VAV3: variants seen among roughly 807,000 people sequenced by gnomAD.
VAV3 encodes vav guanine nucleotide exchange factor 3, also known as guanine nucleotide exchange factor VAV3.
Under a neutral mutation model 131.2 loss-of-function variants are expected in VAV3, and 94 were observed. That is an observed-to-expected ratio of 0.72 (90% CI 0.61 to 0.85). The LOEUF (loss-of-function observed/expected upper bound fraction) is 0.85. Ranked by LOEUF, VAV3 falls within the 40% of genes least tolerant of loss-of-function variation. The pLI, the probability that VAV3 is intolerant of heterozygous loss-of-function variation, is 0.00. For synonymous variants in VAV3, 349 were observed against 342.0 expected, an observed-to-expected ratio of 1.02 and a Z score of -0.22; for missense variants, 939 against 1,002.7, an observed-to-expected ratio of 0.94 and a Z score of 0.86.
chr1:107,757,062 C>T (rs1013376758), intron 11 of VAV3, among the ~76,000 whole-genome samples, 199 bp downstream of exon 11: 6 of 150,184 alleles, frequency 4.0e-5, no homozygotes, highest in African/African-American at 1.5e-4. Context: ...CCAGTTTTCT[C>T]CACTAAAAAC....
At chr1:107,876,624 T>G (rs887265839) in intron 1 of VAV3, among the ~76,000 whole-genome samples, 1 of 151,926 alleles carries the variant, frequency 6.6e-6, no homozygotes, top group African/African-American at 2.4e-5. Context: ...AACAGGGAGA[T>G]AGGAGGGAAG....
At chr1:107,817,940 G>A (rs960369044) in intron 2 of VAV3, among the ~76,000 whole-genome samples, 21 of 152,174 alleles carry the variant, frequency 1.4e-4, no homozygotes, top group African/African-American at 5.1e-4. Flanking sequence ...CAGAGACTTA[G>A]GAGACTAATT....
At chr1:107,610,057 T>C (rs1570606993) in intron 21 of VAV3, 92 bp from the exon 22 acceptor site, 1 of 1,218,544 alleles carries the variant, frequency 8.2e-7, no homozygotes, top group South Asian at 1.2e-5. Flanking sequence ...CTCAGCTCTA[T>C]AAAACCCTAA....
At chr1:107,701,018 T>C (rs1660091786) in intron 17 of VAV3, among the ~76,000 whole-genome samples, 1 of 152,168 alleles carries the variant, frequency 6.6e-6, no homozygotes, top group East Asian at 1.9e-4. Context: ...TGGTATCTTA[T>C]TGTGGTTTTG....
At chr1:107,738,514 A>G (rs1662817997) in intron 15 of VAV3, among the ~76,000 whole-genome samples, 1 of 152,196 alleles carries the variant, frequency 6.6e-6, no homozygotes, top group Non-Finnish European at 1.5e-5. Context: ...TGTTTCAAGT[A>G]TGACTTCCTT....
At chr1:107,757,403 A>C (rs1664171965) in intron 10 of VAV3, 74 bp from the exon 11 acceptor site, 2 of 1,220,132 alleles carry the variant, frequency 1.6e-6, no homozygotes, top group Non-Finnish European at 2.3e-6. Flanking sequence ...ACATTTTTAC[A>C]AATAAACCAT....
At chr1:107,732,383 G>A (rs1662300208) in intron 15 of VAV3, among the ~76,000 whole-genome samples, 1 of 152,104 alleles carries the variant, frequency 6.6e-6, no homozygotes, top group Non-Finnish European at 1.5e-5. Context: ...TGCGGCCACA[G>A]AGGGCGAGCC....
intron 1 of VAV3, among the ~76,000 whole-genome samples, chr1:107,925,705 G>T (rs1206564693): frequency 6.6e-6 from 1 of 152,024 alleles, no homozygotes; most frequent in Non-Finnish European, 1.5e-5. Flanking sequence ...ACTGTTTAAT[G>T]TTACAGAATC....
intron 19 of VAV3, among the ~76,000 whole-genome samples, chr1:107,666,905 T>C (rs1181874848): frequency 6.6e-6 from 1 of 152,178 alleles, no homozygotes; most frequent in Non-Finnish European, 1.5e-5. Context: ...AGCTGGTAAA[T>C]AGTGAAGACT....
chr1:107,766,360 A>T, intron 8 of VAV3, 87 bp downstream of exon 8: 1 of 807,448 alleles, frequency 1.2e-6, no homozygotes, highest in Non-Finnish European at 2.0e-6. Flanking sequence ...AATAAACAGC[A>T]GTAATAGCTA....
chr1:107,900,300 G>A (rs1671790981), intron 1 of VAV3, among the ~76,000 whole-genome samples: 2 of 152,268 alleles, frequency 1.3e-5, no homozygotes, highest in South Asian at 4.1e-4. Context: ...GTAGCCACAC[G>A]TCAGGAGGAA....
chr1:107,781,002 A>G (rs1487088723), intron 2 of VAV3, among the ~76,000 whole-genome samples: 1 of 152,168 alleles, frequency 6.6e-6, no homozygotes, highest in African/African-American at 2.4e-5. Context: ...ATAAAAATGA[A>G]GTCTCTCCAG....
intron 19 of VAV3, among the ~76,000 whole-genome samples, chr1:107,650,005 C>T (rs1656034723): frequency 1.3e-5 from 2 of 151,920 alleles, no homozygotes; most frequent in Admixed American, 1.3e-4. Context: ...GTGGGGGATG[C>T]TTTATTTAAG....
chr1:107,647,862 C>T (rs1655850391), intron 19 of VAV3, among the ~76,000 whole-genome samples: 1 of 152,020 alleles, frequency 6.6e-6, no homozygotes, highest in Non-Finnish European at 1.5e-5. Context: ...GATACAAGTT[C>T]ACAATCTAAG....
chr1:107,879,700 C>A lies in VAV3; in HGVS notation c.205-4683G>T, dbSNP rs189136935. On this transcript the variant is annotated intron_variant, in intron 1 of 26. Transcript: ENST00000370056. ...TCCAGCTCACTGTTTCATAACCATA[C>A]CTATTTTTGACAAAAAAAAAAATTG... is the stretch of plus-strand genomic sequence containing the variant. Among the ~76,000 whole-genome samples the A allele has an allele frequency of 1.3e-3, 100 of 79,508 alleles. No individual in the cohort carries two copies. The East Asian group carries it at 0.026, about 21-fold the overall frequency. The allele number at this position is 79,508 out of a possible 152,430, so 52.2% of individuals were successfully genotyped here. A position where few individuals can be genotyped will look rare whatever the true frequency, so the allele number is the denominator to read the frequency against.
intron 2 of VAV3, among the ~76,000 whole-genome samples, chr1:107,856,021 C>T (rs1306793475): frequency 1.3e-5 from 2 of 152,220 alleles, no homozygotes; most frequent in African/African-American, 4.8e-5. Flanking sequence ...TAGGAAGCAA[C>T]AGAAGCACAG....
intron 2 of VAV3, among the ~76,000 whole-genome samples, chr1:107,861,011 T>C (rs548307789): frequency 5.9e-5 from 9 of 151,880 alleles, no homozygotes; most frequent in African/African-American, 2.2e-4. Context: ...AGATAGATTA[T>C]GCTTTATTAT....
intron 15 of VAV3, among the ~76,000 whole-genome samples, chr1:107,728,606 T>TATACGTATACGTATATGTATAC (rs1557798901): frequency 1.3e-5 from 1 of 79,246 alleles, no homozygotes; most frequent in South Asian, 4.3e-4. Flanking sequence ...TATACGTATA[T>TATACGTATACGTATATGTATAC]GTATATGTAT....
At chr1:107,785,837 A>G (rs1665951140) in intron 2 of VAV3, among the ~76,000 whole-genome samples, 1 of 152,184 alleles carries the variant, frequency 6.6e-6, no homozygotes, top group Non-Finnish European at 1.5e-5. Flanking sequence ...CTAATTCTAA[A>G]CCAGACCAGA....
Sources: gnomAD v4.1 joint callset for allele counts (sites outside exome capture counted in the v4.1 genomes callset) on GRCh38, gnomAD v4.1.1 for gene constraint, MANE v1.5 for transcripts, NCBI Gene and HGNC (gene_info 2026-07-23, HGNC 2026-07-21) for gene names.